Variants in TEAD1 observed in about 807,000 individuals in gnomAD.
The protein encoded by TEAD1 is transcriptional enhancer factor TEF-1.
Under a neutral mutation model 54.9 loss-of-function variants are expected in TEAD1, and 9 were observed. The ratio of observed to expected loss-of-function variants is 0.16; its 90% CI spans 0.10 to 0.29. The LOEUF is 0.29. Among genes scored for constraint, TEAD1 ranks in the 10% least tolerant of loss-of-function variants. The pLI is 1.00. For synonymous variants in TEAD1, 200 were observed against 187.8 expected (o/e 1.07, Z -0.53); for missense variants, 387 against 535.9 (o/e 0.72, Z 2.74).
chr11:12,873,309 G>A (rs1213652951), intron 5 of TEAD1, among the ~76,000 whole-genome samples: 2 of 152,152 alleles, frequency 1.3e-5, no homozygotes, highest in Admixed American at 6.5e-5. Context: ...ACCTGGATCC[G>A]GCAGGAAGCT....
At chr11:12,772,332 G>A (rs1432484418) in intron 3 of TEAD1, among the ~76,000 whole-genome samples, 1 of 152,144 alleles carries the variant, frequency 6.6e-6, no homozygotes, top group Non-Finnish European at 1.5e-5. Context: ...TTGGTTAGTT[G>A]GGGAAAAGAA....
chr11:12,695,217 A>G (rs1227534675), intron 2 of TEAD1, among the ~76,000 whole-genome samples: 1 of 152,186 alleles, frequency 6.6e-6, no homozygotes, highest in African/African-American at 2.4e-5. Flanking sequence ...AGTCGGGCTC[A>G]TTTTGATTTT....
At chr11:12,682,360 G>T (rs781712331) in intron 2 of TEAD1, among the ~76,000 whole-genome samples, 1 of 152,164 alleles carries the variant, frequency 6.6e-6, no homozygotes, top group Non-Finnish European at 1.5e-5. Flanking sequence ...CATTTACCTC[G>T]TGGGAGTGTA....
chr11:12,773,502 T>G (rs1945354297), intron 3 of TEAD1, among the ~76,000 whole-genome samples: 2 of 152,238 alleles, frequency 1.3e-5, no homozygotes, highest in South Asian at 4.1e-4. Context: ...TAATTTGCAT[T>G]TCCTTAAAGA....
chr11:12,745,351 T>C (rs1321551919), intron 2 of TEAD1, among the ~76,000 whole-genome samples: 3 of 152,204 alleles, frequency 2.0e-5, no homozygotes, highest in African/African-American at 7.2e-5. Context: ...AACTAGACTT[T>C]GGCTGCTTTT....
intron 2 of TEAD1, among the ~76,000 whole-genome samples, chr11:12,714,755 C>T (rs527526660): frequency 6.6e-5 from 10 of 152,222 alleles, no homozygotes; most frequent in Non-Finnish European, 1.2e-4. Context: ...TGATTTCTTC[C>T]GAGGCCCCTC....
intron 3 of TEAD1, among the ~76,000 whole-genome samples, chr11:12,861,235 A>C (rs1242292906): frequency 6.6e-6 from 1 of 152,240 alleles, no homozygotes; most frequent in East Asian, 1.9e-4. Flanking sequence ...TTCTCTGCTT[A>C]GCTTCTGGGG....
At chr11:12,914,333 A>C (rs1380025425) in intron 10 of TEAD1, among the ~76,000 whole-genome samples, 1 of 152,186 alleles carries the variant, frequency 6.6e-6, no homozygotes, top group Non-Finnish European at 1.5e-5. Context: ...GTAGATGTAA[A>C]TATATGCCAT....
chr11:12,723,258 G>T (rs752465578), intron 2 of TEAD1, among the ~76,000 whole-genome samples: 1 of 152,120 alleles, frequency 6.6e-6, no homozygotes, highest in African/African-American at 2.4e-5. Context: ...GGTGCACATC[G>T]TTTAATTGAT....
At chr11:12,702,772 C>G (rs1590066341) in intron 2 of TEAD1, among the ~76,000 whole-genome samples, 1 of 152,190 alleles carries the variant, frequency 6.6e-6, no homozygotes, top group African/African-American at 2.4e-5. Context: ...GCCATTGTGT[C>G]TCAGCAGGTT....
At chr11:12,895,871 C>T (rs1356679781) in intron 9 of TEAD1, among the ~76,000 whole-genome samples, 5 of 152,180 alleles carry the variant, frequency 3.3e-5, no homozygotes, top group East Asian at 1.9e-4. Flanking sequence ...TAATTTTAGG[C>T]ATCATCTGTT....
At chr11:12,894,968 C>T (rs776495662) in intron 9 of TEAD1, among the ~76,000 whole-genome samples, 3 of 152,194 alleles carry the variant, frequency 2.0e-5, no homozygotes, top group African/African-American at 4.8e-5. Flanking sequence ...CATATTTCCA[C>T]TATGGCTGTG....
chr11:12,941,056 C>T lies in TEAD1; in HGVS notation c.*3834C>T, dbSNP rs1388778432. 1 of 152,248 alleles carries T rather than the reference C, an allele frequency of 6.6e-6. No individual in the cohort carries two copies. Among genetic ancestry groups the T allele is most frequent in the South Asian group, 2.1e-4 (1 of 4,832 alleles). The allele number at this position is 152,248 out of a possible 1,614,324, so 9.4% of individuals were successfully genotyped here. A position where few individuals can be genotyped will look rare whatever the true frequency, so the allele number is the denominator to read the frequency against. On this transcript the variant is annotated 3_prime_UTR_variant, in exon 13 of 13. Transcript: ENST00000527636. ...AAAGCGTGAGAGTTGTCTAGGATTC[C>T]TGCCACTTTGGTCCCTGGCCTCTCC... is the stretch of plus-strand genomic sequence containing the variant.
intron 2 of TEAD1, among the ~76,000 whole-genome samples, chr11:12,728,270 AGACTGTG>A (rs780868223): frequency 6.6e-6 from 1 of 152,236 alleles, no homozygotes; most frequent in Non-Finnish European, 1.5e-5. Flanking sequence ...TTGGTCAGTG[AGACTGTG>A]GATCTGAGTT....
chr11:12,731,363 T>C lies in TEAD1; in HGVS notation c.-54-32816T>C, dbSNP rs79561256. The stretch of plus-strand genomic sequence containing the variant: ...GAACTATCCGTAATTTCACCACTCA[T>C]AGATTATTAGTATCACACTACTACT... On this transcript the variant is annotated intron_variant, in intron 2 of 12. Transcript: ENST00000527636. 5.8e-3 allele frequency among the ~76,000 whole-genome samples: 886 copies of C among 152,312 alleles called. 4 individuals carry two copies. The highest frequency in any genetic ancestry group is 0.021 in the African/African-American group (853 of 41,558).
intron 3 of TEAD1, among the ~76,000 whole-genome samples, chr11:12,821,946 C>G (rs1200578629): frequency 8.0e-6 from 1 of 125,146 alleles, no homozygotes; most frequent in Non-Finnish European, 1.7e-5. Context: ...TACTCTCTCT[C>G]CTTTTTCTCT....
At chr11:12,772,455 G>A (rs561613800) in intron 3 of TEAD1, among the ~76,000 whole-genome samples, 87 of 152,190 alleles carry the variant, frequency 5.7e-4, no homozygotes, top group Middle Eastern at 3.4e-3. Flanking sequence ...GGGCCGAGAG[G>A]GGGCCTCATT....
At chr11:12,831,980 C>T (rs571290769) in intron 3 of TEAD1, among the ~76,000 whole-genome samples, 10 of 151,942 alleles carry the variant, frequency 6.6e-5, no homozygotes, top group African/African-American at 2.4e-4. Flanking sequence ...AGGAAAGCTG[C>T]CCCCCGGCAA....
chr11:12,676,917 T>G (rs1645462646), intron 2 of TEAD1, among the ~76,000 whole-genome samples: 1 of 152,338 alleles, frequency 6.6e-6, no homozygotes, highest in African/African-American at 2.4e-5. Context: ...AATGCCAAGG[T>G]AGACTATTTT....
Sources: allele counts gnomAD v4.1 joint callset (sites outside exome capture counted in the v4.1 genomes callset), GRCh38; gene constraint gnomAD v4.1.1; transcripts MANE v1.5; gene names NCBI Gene and HGNC (gene_info 2026-07-23, HGNC 2026-07-21).